The following KIAA0319L variants were observed in gnomAD, a reference collection of about 807,000 sequenced individuals.
KIAA0319L encodes the protein dyslexia-associated protein KIAA0319-like protein.
Under a neutral mutation model 120.1 loss-of-function variants are expected in KIAA0319L, and 55 were observed. That is an observed-to-expected ratio of 0.46 (90% CI 0.37 to 0.57). The LOEUF is 0.57. Among genes scored for constraint, KIAA0319L ranks in the 20% least tolerant of loss-of-function variants. The pLI is 0.00. For synonymous variants in KIAA0319L, 398 were observed against 471.9 expected (o/e 0.84, Z 2.03); for missense variants, 1,049 against 1,255.3 (o/e 0.84, Z 2.48).
At chr1:35,498,034 T>G (rs1303712451) in intron 3 of KIAA0319L, among the ~76,000 whole-genome samples, 1 of 152,198 alleles carries the variant, frequency 6.6e-6, no homozygotes, top group East Asian at 1.9e-4. Context: ...TTATTTTATT[T>G]GAGAAACTAT....
chr1:35,513,288 A>ATATATATATATATATTTTTT (rs1414704674), intron 2 of KIAA0319L, among the ~76,000 whole-genome samples: 8 of 85,334 alleles, frequency 9.4e-5, no homozygotes, highest in African/African-American at 3.4e-4. Context: ...ATATATATAT[A>ATATATATATATATATTTTTT]TTTTTTTTTT....
chr1:35,544,327 C>T (rs1009579995), intron 2 of KIAA0319L, among the ~76,000 whole-genome samples: 3 of 150,490 alleles, frequency 2.0e-5, no homozygotes, highest in Non-Finnish European at 4.4e-5. Flanking sequence ...CAAGATTGTG[C>T]CACTGCACTC....
At chr1:35,511,962 A>G (rs1462440289) in intron 2 of KIAA0319L, among the ~76,000 whole-genome samples, 2 of 152,030 alleles carry the variant, frequency 1.3e-5, no homozygotes, top group Middle Eastern at 3.2e-3. Context: ...TTGTCCACAT[A>G]TATTACCTGG....
chr1:35,496,351 C>T lies in KIAA0319L; in HGVS notation c.666+10261G>A, dbSNP rs140661467. Among the ~76,000 whole-genome samples, 841 of 152,172 alleles carry T rather than the reference C, an allele frequency of 5.5e-3. 9 individuals carry two copies. Among genetic ancestry groups the T allele is most frequent in the African/African-American group, 0.019 (797 of 41,532 alleles). ...AGGAGAATCTCTTAAACCCAGGAAG[C>T]GGAAGTTGTAGTGAGCTGAGATGGT... is the stretch of plus-strand genomic sequence containing the variant. On this transcript the variant is annotated intron_variant, in intron 3 of 20. Coordinates refer to ENST00000325722, the MANE Select transcript of KIAA0319L (RefSeq NM_024874.5).
rs1008610233 is a variant in KIAA0319L at position 35,506,958 on chromosome 1, T to C, written c.320A>G (p.Gln107Arg). The C allele has an allele frequency of 6.2e-7, 1 of 1,613,652 alleles. No homozygotes were observed. Among genetic ancestry groups the C allele is most frequent in the Non-Finnish European group, 8.5e-7 (1 of 1,179,868 alleles). ...GCTCTGGGGCCTGCTGCAGTCTGCC[T>C]GAATGCACATCCCTTCTAGCCACCA... ...VFWWLEGMCI[Q>R]ADCSRPQSCR... is the part of the protein sequence containing the mutation. The change falls in exon 3 of 21, where the codon CAG becomes CGG. Residue 107 changes from glutamine to arginine, a missense_variant. Transcript: ENST00000325722. The surrounding 1 kb of genome is among the most constrained non-coding windows in gnomAD (Gnocchi z 4.0).
intron 2 of KIAA0319L, chr1:35,533,251 A>G (rs1057323480): frequency 6.6e-5 from 10 of 152,234 alleles, no homozygotes; most frequent in Non-Finnish European, 4.4e-5. Flanking sequence ...GAGCAGAGAC[A>G]GAACGTCCCC....
At position 35,551,950 on chromosome 1, in the gene KIAA0319L, T is replaced by G. The variant is rs186723627; in HGVS notation, c.142+2400A>C. Among the ~76,000 whole-genome samples the G allele has an allele frequency of 2.6e-5, 4 of 152,170 alleles. No homozygotes were observed. The East Asian group carries it at 7.7e-4, about 29-fold the overall frequency. On this transcript the variant is annotated intron_variant, in intron 2 of 20. Transcript: ENST00000325722. ...TACAATGCTGTGTTTAACCAAGTGC[T>G]AGATTGGAAAGCACAGAAAGACTTG... is the stretch of plus-strand genomic sequence containing the variant.
rs1301159841 is a variant in KIAA0319L at position 35,510,883 on chromosome 1, CAGGT to C, written c.143-3752_143-3749del. ...TTCGCTTCCCAAAGTGTTGGGATTA[CAGGT>C]GTGAGCCACTGCGCCTGGCTGAAAA... On this transcript the variant is annotated intron_variant, in intron 2 of 20. Coordinates refer to ENST00000325722, the MANE Select transcript of KIAA0319L (RefSeq NM_024874.5). 3.3e-5 allele frequency: 5 copies of C among 151,534 alleles called. No individual in the cohort carries two copies. In the East Asian group the frequency reaches 7.7e-4, roughly 23 times the overall value. The allele number at this position is 151,534 out of a possible 1,614,324, so 9.4% of individuals were successfully genotyped here.
At chr1:35,539,316 T>C (rs1298471994) in intron 2 of KIAA0319L, among the ~76,000 whole-genome samples, 2 of 152,224 alleles carry the variant, frequency 1.3e-5, no homozygotes. Context: ...AAAACTTTTG[T>C]TTCTGCCTTG....
chr1:35,509,357 C>T (rs1276228809), intron 2 of KIAA0319L, among the ~76,000 whole-genome samples: 1 of 152,108 alleles, frequency 6.6e-6, no homozygotes, highest in Non-Finnish European at 1.5e-5. Flanking sequence ...GAAAATAACA[C>T]AATATATAAA....
chr1:35,465,207 GC>G (rs748422914), intron 7 of KIAA0319L, among the ~76,000 whole-genome samples: 1 of 152,312 alleles, frequency 6.6e-6, no homozygotes, highest in Non-Finnish European at 1.5e-5. Flanking sequence ...ACCCGGAAAA[GC>G]CGCAGACACT....
upstream of KIAA0319L, chr1:35,557,407 G>A: frequency 6.4e-6 from 2 of 311,682 alleles, no homozygotes; most frequent in South Asian, 2.3e-5. Flanking sequence ...CGGAAACACC[G>A]CCTCCTCCCA....
chr1:35,538,804 C>T (rs1442768516), intron 2 of KIAA0319L, among the ~76,000 whole-genome samples: 3 of 151,710 alleles, frequency 2.0e-5, no homozygotes, highest in African/African-American at 4.8e-5. Context: ...ATTTTTCTGA[C>T]GTGTTTTTAC....
At chr1:35,547,462 T>TAAG (rs994426510) in intron 2 of KIAA0319L, among the ~76,000 whole-genome samples, 6 of 152,128 alleles carry the variant, frequency 3.9e-5, no homozygotes, top group Admixed American at 3.9e-4. Flanking sequence ...ACATTGTTCA[T>TAAG]AATAGCCAAA....
intron 4 of KIAA0319L, among the ~76,000 whole-genome samples, chr1:35,476,447 G>A (rs1480835192): frequency 6.6e-6 from 1 of 152,190 alleles, no homozygotes; most frequent in African/African-American, 2.4e-5. Flanking sequence ...AGCCTGGGAG[G>A]CGAGAAGGGC....
intron 7 of KIAA0319L, among the ~76,000 whole-genome samples, chr1:35,465,191 C>T (rs750090964): frequency 6.6e-6 from 1 of 152,198 alleles, no homozygotes; most frequent in Non-Finnish European, 1.5e-5. Context: ...ACAGCTTGCA[C>T]TATGCACCCG....
intron 3 of KIAA0319L, among the ~76,000 whole-genome samples, chr1:35,484,805 TA>T (rs373064854): frequency 0.088 from 2,855 of 32,420 alleles, 36 homozygotes; most frequent in Non-Finnish European, 0.11. Flanking sequence ...TATATATATA[TA>T]TTTTTTTTTT....
At chr1:35,483,358 A>G (rs887437781) in intron 3 of KIAA0319L, among the ~76,000 whole-genome samples, 3 of 152,194 alleles carry the variant, frequency 2.0e-5, no homozygotes, top group Non-Finnish European at 2.9e-5. Context: ...TCTCTTCCAT[A>G]AGTTTTATAG....
chr1:35,461,003 T>C (rs1642852601), intron 8 of KIAA0319L, among the ~76,000 whole-genome samples: 1 of 152,210 alleles, frequency 6.6e-6, no homozygotes, highest in Non-Finnish European at 1.5e-5. Flanking sequence ...AGATTATTCA[T>C]GGTAACATTG....
Sources: gnomAD v4.1 joint callset for allele counts (sites outside exome capture counted in the v4.1 genomes callset) on GRCh38, gnomAD v4.1.1 for gene constraint, Gnocchi (gnomAD v3.1) non-coding constraint, MANE v1.5 for transcripts, NCBI Gene and HGNC (gene_info 2026-07-23, HGNC 2026-07-21) for gene names.